The following RBMS1 variants were observed in gnomAD, a reference collection of about 807,000 sequenced individuals.
The protein encoded by RBMS1 is RNA binding motif single stranded interacting protein 1.
A neutral mutation model predicts 62.3 loss-of-function variants in RBMS1; 17 were observed. The observed-to-expected ratio is 0.27, with a 90% CI of 0.19 to 0.41. The LOEUF is 0.41. RBMS1 is among the 10% of genes least tolerant of loss of function. The pLI is 1.00. For missense variants in RBMS1, 334 were observed against 504.5 expected (o/e 0.66, Z 3.24); for synonymous variants, 172 against 170.0 (o/e 1.01, Z -0.09).
chr2:160,368,293 T>C (rs1423684410), intron 1 of RBMS1, among the ~76,000 whole-genome samples: 1 of 152,186 alleles, frequency 6.6e-6, no homozygotes, highest in Non-Finnish European at 1.5e-5. Context: ...GGGACGTTTT[T>C]TCACCTCACA....
chr2:160,453,434 T>C (rs1220748461), intron 1 of RBMS1, among the ~76,000 whole-genome samples: 2 of 152,200 alleles, frequency 1.3e-5, no homozygotes, highest in African/African-American at 4.8e-5. Context: ...CGTTCTTTTC[T>C]TTTTTATAAT....
At chr2:160,298,331 C>T (rs1388338836) in intron 6 of RBMS1, among the ~76,000 whole-genome samples, 1 of 152,006 alleles carries the variant, frequency 6.6e-6, no homozygotes. Context: ...TAGTGTAGTT[C>T]TGGAGAGGAT....
intron 1 of RBMS1, among the ~76,000 whole-genome samples, chr2:160,451,866 T>C (rs1045749580): frequency 6.6e-6 from 1 of 152,160 alleles, no homozygotes; most frequent in Non-Finnish European, 1.5e-5. Flanking sequence ...CTCCTCGGCC[T>C]CCTAAAGTGT....
Position 160,471,693 on chromosome 2 carries a change from A to ATG in RBMS1, c.75+21595_75+21596insCA, listed in dbSNP as rs1684921678. On this transcript the variant is annotated intron_variant, in intron 1 of 13. Transcript: ENST00000348849. ...TCATGTTTGGGAAATCCTTTGGTGT[A>ATG]TATATATATATATATATATATATAA... 6.1e-4 allele frequency among the ~76,000 whole-genome samples: 31 copies of ATG among 51,018 alleles called. 1 individual carries two copies. The highest frequency in any genetic ancestry group is 5.8e-3 in the Admixed American group (20 of 3,446). 33.5% of individuals were successfully genotyped at this position (51,018 alleles called of 152,430 possible).
rs148440852 is a variant in RBMS1 at position 160,289,174 on chromosome 2, C to T, written c.641-2090G>A. 2.4e-3 allele frequency among the ~76,000 whole-genome samples: 372 copies of T among 152,086 alleles called. 1 individual carries two copies. Among genetic ancestry groups the T allele is most frequent in the African/African-American group, 8.6e-3 (356 of 41,496 alleles). ...AAATGCATAACAAGGAGGTAAACAT[C>T]AAGGGAGTGATGACATGTTTGCAAT... On this transcript the variant is annotated intron_variant, in intron 6 of 13. Transcript: ENST00000348849.
intron 2 of RBMS1, among the ~76,000 whole-genome samples, chr2:160,350,118 T>C (rs1692414896): frequency 1.3e-5 from 2 of 151,800 alleles, no homozygotes. Flanking sequence ...GTCAGAGAAG[T>C]TATGGGGAGA....
intron 1 of RBMS1, among the ~76,000 whole-genome samples, chr2:160,394,595 G>A (rs1695042161): frequency 6.6e-6 from 1 of 152,156 alleles, no homozygotes; most frequent in South Asian, 2.1e-4. Flanking sequence ...CTTAACAGAG[G>A]AGAAATTAAA....
chr2:160,342,754 TA>T (rs1224772780), intron 2 of RBMS1, among the ~76,000 whole-genome samples: 1 of 96,696 alleles, frequency 1.0e-5, no homozygotes, highest in Non-Finnish European at 2.0e-5. Flanking sequence ...CCATCTCTAC[TA>T]AAAATACAAA....
At chr2:160,329,270 C>T (rs1346156939) in intron 2 of RBMS1, among the ~76,000 whole-genome samples, 1 of 152,068 alleles carries the variant, frequency 6.6e-6, no homozygotes, top group African/African-American at 2.4e-5. Context: ...TAAACATATC[C>T]CTAGTAAAAG....
At chr2:160,408,306 GC>G (rs1018094359) in intron 1 of RBMS1, among the ~76,000 whole-genome samples, 1 of 151,406 alleles carries the variant, frequency 6.6e-6, no homozygotes, top group East Asian at 2.0e-4. Context: ...TTCGAACTAG[GC>G]CCCCCGCGCC....
At chr2:160,407,873 C>T in intron 1 of RBMS1, 1 of 981,120 alleles carries the variant, frequency 1.0e-6, no homozygotes, top group Non-Finnish European at 1.2e-6. Context: ...GCCGCCGCGT[C>T]CCCACCTACC....
intron 1 of RBMS1, chr2:160,407,717 G>C (rs1266699540): frequency 1.0e-6 from 1 of 981,416 alleles, no homozygotes; most frequent in East Asian, 1.1e-4. Flanking sequence ...CTCCGCCTTC[G>C]ACCTCCGCAC....
At position 160,485,851 on chromosome 2, in the gene RBMS1, T is replaced by A. The variant is rs536116504; in HGVS notation, c.75+7438A>T. On this transcript the variant is annotated intron_variant, in intron 1 of 13. Transcript: ENST00000348849. ...ACAATGAAATTAATCAGAGCTGTACTTTGTAGGAGGCAAAGAGAGTCGTGG... is the reference window on the plus strand; with the variant it reads ...ACAATGAAATTAATCAGAGCTGTACATTGTAGGAGGCAAAGAGAGTCGTGG... Among the ~76,000 whole-genome samples the A allele has an allele frequency of 1.2e-4, 18 of 152,250 alleles. No individual in the cohort carries two copies. The South Asian group carries it at 3.7e-3, about 32-fold the overall frequency.
chr2:160,455,894 A>G (rs1684206281), intron 1 of RBMS1, among the ~76,000 whole-genome samples: 2 of 152,014 alleles, frequency 1.3e-5, no homozygotes, highest in African/African-American at 4.8e-5. Flanking sequence ...CGTGTTAGCC[A>G]GGATGGTCTC....
At chr2:160,342,644 G>C (rs1277468016) in intron 2 of RBMS1, among the ~76,000 whole-genome samples, 6 of 151,930 alleles carry the variant, frequency 3.9e-5, no homozygotes, top group African/African-American at 1.2e-4. Flanking sequence ...GGCTGGGTGA[G>C]GTGGCTCACG....
chr2:160,449,860 G>C (rs558874065), intron 1 of RBMS1, among the ~76,000 whole-genome samples: 7 of 151,988 alleles, frequency 4.6e-5, no homozygotes, highest in Non-Finnish European at 8.8e-5. Flanking sequence ...GGGATGAATG[G>C]AAAGAATACC....
Position 160,355,976 on chromosome 2 carries a change from G to A in RBMS1, c.251+11240C>T, listed in dbSNP as rs73002619. Among the ~76,000 whole-genome samples the A allele has an allele frequency of 1.9e-3, 284 of 152,144 alleles. 1 individual carries two copies. Among genetic ancestry groups the A allele is most frequent in the African/African-American group, 6.5e-3 (272 of 41,530 alleles). ...TGGGATTCACCATTCACTTCTCCCC[G>A]AAGTGTCTTGATCTTATGTTTTAAT... is the stretch of plus-strand genomic sequence containing the variant. On this transcript the variant is annotated intron_variant, in intron 2 of 13. Transcript: ENST00000348849.
chr2:160,429,879 G>T (rs1225268564), intron 1 of RBMS1, among the ~76,000 whole-genome samples: 1 of 152,246 alleles, frequency 6.6e-6, no homozygotes, highest in East Asian at 1.9e-4. Flanking sequence ...TTGCCTAAGG[G>T]ATGGCCCTGT....
At chr2:160,466,495 G>C (rs1462846544) in intron 1 of RBMS1, among the ~76,000 whole-genome samples, 1 of 152,106 alleles carries the variant, frequency 6.6e-6, no homozygotes, top group African/African-American at 2.4e-5. Context: ...TTGGAACAGT[G>C]AAGTCCTCAG....
Sources: allele counts gnomAD v4.1 joint callset (sites outside exome capture counted in the v4.1 genomes callset), GRCh38; gene constraint gnomAD v4.1.1; transcripts MANE v1.5; gene names NCBI Gene and HGNC (gene_info 2026-07-23, HGNC 2026-07-21).